Variants in EREG observed in about 807,000 individuals in gnomAD.
The protein encoded by EREG is epiregulin, also known as proepiregulin.
In EREG, 23 loss-of-function variants were observed where a neutral mutation model predicts 22.4. That is an observed-to-expected ratio of 1.03 (90% CI 0.74 to 1.46). EREG has a LOEUF of 1.46. Ranked by LOEUF, EREG falls within the 40% of genes most tolerant of loss-of-function variation. The pLI, the probability that EREG is intolerant of heterozygous loss-of-function variation, is 0.00. For missense variants in EREG, 226 were observed against 205.9 expected, an observed-to-expected ratio of 1.10 and a Z score of -0.60; for synonymous variants, 100 against 75.4, an observed-to-expected ratio of 1.33 and a Z score of -1.69.
intron 2 of EREG, among the ~76,000 whole-genome samples, chr4:74,380,666 A>T (rs1293998233): frequency 6.6e-6 from 1 of 152,214 alleles, no homozygotes; most frequent in African/African-American, 2.4e-5. Flanking sequence ...GGACTTGAGA[A>T]AAATTAGACA....
At chr4:74,382,213 T>C (rs909827239) in intron 3 of EREG, among the ~76,000 whole-genome samples, 1 of 151,800 alleles carries the variant, frequency 6.6e-6, no homozygotes, top group Non-Finnish European at 1.5e-5. Context: ...GATAGGAGAA[T>C]TGCTTGAACC....
intron 1 of EREG, among the ~76,000 whole-genome samples, chr4:74,377,586 T>C (rs1295059056): frequency 6.6e-6 from 1 of 152,234 alleles, no homozygotes; most frequent in East Asian, 1.9e-4. Context: ...GTTGTATTAG[T>C]TTGTTTTCAC....
intron 1 of EREG, among the ~76,000 whole-genome samples, chr4:74,373,653 A>ATGTATTTATG (rs1752330358): frequency 6.8e-6 from 1 of 146,434 alleles, no homozygotes; most frequent in Non-Finnish European, 1.5e-5. Flanking sequence ...TAAGTAATAT[A>ATGTATTTATG]TGTATATATG....
intron 1 of EREG, among the ~76,000 whole-genome samples, chr4:74,378,714 TATG>T (rs945205629): frequency 6.6e-6 from 1 of 152,114 alleles, no homozygotes; most frequent in African/African-American, 2.4e-5. Context: ...GGGTTCTTCT[TATG>T]ATGATTCCTA....
chr4:74,373,725 T>C (rs1752332172), intron 1 of EREG, among the ~76,000 whole-genome samples: 1 of 148,738 alleles, frequency 6.7e-6, no homozygotes, highest in Admixed American at 6.7e-5. Flanking sequence ...TATATATAAG[T>C]ATATACGTGT....
chr4:74,378,657 A>C (rs939321152), intron 1 of EREG, among the ~76,000 whole-genome samples: 3 of 152,138 alleles, frequency 2.0e-5, no homozygotes, highest in African/African-American at 7.2e-5. Flanking sequence ...CCTAAAGCTT[A>C]AACAGAAGCA....
chr4:74,376,467 G>T (rs1175141021), intron 1 of EREG, among the ~76,000 whole-genome samples: 1 of 152,334 alleles, frequency 6.6e-6, no homozygotes, highest in Non-Finnish European at 1.5e-5. Flanking sequence ...AGTAGTGAAA[G>T]TATGGTGAAA....
At chr4:74,375,298 T>C in intron 1 of EREG, among the ~76,000 whole-genome samples, 1 of 147,470 alleles carries the variant, frequency 6.8e-6, no homozygotes, top group African/African-American at 2.5e-5. Context: ...AAGTAATGAC[T>C]AGCGATTCTT....
chr4:74,379,406 C>T, intron 1 of EREG, 42 bp from the exon 2 acceptor site: 1 of 1,200,054 alleles, frequency 8.3e-7, no homozygotes, highest in Non-Finnish European at 1.2e-6. Flanking sequence ...GATTTCTTTC[C>T]TTAACACATT....
Position 74,388,565 on chromosome 4 carries a change from G to A in EREG, c.*3757G>A, listed in dbSNP as rs1460008. On this transcript the variant is annotated 3_prime_UTR_variant, in exon 5 of 5. Coordinates refer to ENST00000244869, the MANE Select transcript of EREG (RefSeq NM_001432.3). Reference sequence around the variant, plus strand: ...TGAAGTAACTTATTTGACTATGAATGTTATCGGATTACTGAATTGTATCAA... The same window carrying A: ...TGAAGTAACTTATTTGACTATGAATATTATCGGATTACTGAATTGTATCAA... The A allele has an allele frequency of 0.81, 123,269 of 152,504 alleles. 49,931 individuals carry two copies. Among genetic ancestry groups the A allele is most frequent in the Admixed American group, 0.85 (12,926 of 15,288 alleles). The allele number at this position is 152,504 out of a possible 1,614,324, so 9.4% of individuals were successfully genotyped here. A position where few individuals can be genotyped will look rare whatever the true frequency, so the allele number is the denominator to read the frequency against.
rs147344204 is a variant in EREG at position 74,376,044 on chromosome 4, G to A, written c.68-3404G>A. The stretch of plus-strand genomic sequence containing the variant: ...TCTTTGTGGAGGCACACCCTGGGCT[G>A]AACATTCTTTAATTAACAAAGACAA... On this transcript the variant is annotated intron_variant, in intron 1 of 4. Transcript: ENST00000244869. 4.9e-3 allele frequency among the ~76,000 whole-genome samples: 744 copies of A among 152,268 alleles called. 4 individuals are homozygous for A. The highest frequency in any genetic ancestry group is 7.7e-3 in the Non-Finnish European group (521 of 68,022).
At chr4:74,369,745 A>G (rs546782533) in intron 1 of EREG, among the ~76,000 whole-genome samples, 36 of 152,132 alleles carry the variant, frequency 2.4e-4, no homozygotes, top group South Asian at 4.1e-4. Context: ...TGTATAAAAT[A>G]CAGATTTCAT....
chr4:74,366,444 C>T (rs1358777932), intron 1 of EREG, among the ~76,000 whole-genome samples: 8 of 152,038 alleles, frequency 5.3e-5, no homozygotes, highest in Non-Finnish European at 2.9e-5. Flanking sequence ...AAGTCTAAGT[C>T]CAGGAACACA....
At chr4:74,369,119 CTT>C (rs1752248584) in intron 1 of EREG, among the ~76,000 whole-genome samples, 1 of 152,086 alleles carries the variant, frequency 6.6e-6, no homozygotes, top group South Asian at 2.1e-4. Context: ...TCATAAGACT[CTT>C]AATATATAGG....
At position 74,379,486 on chromosome 4, in the gene EREG, A is replaced by G. The variant is rs1405877595; in HGVS notation, c.106A>G (p.Ile36Val). The G allele has an allele frequency of 6.2e-7, 1 of 1,612,888 alleles. No homozygotes were observed. Among genetic ancestry groups the G allele is most frequent in the East Asian group, 2.2e-5 (1 of 44,840 alleles). The change falls in exon 2 of 5, where the codon ATT becomes GTT. Residue 36 changes from isoleucine to valine, a missense_variant. Transcript: ENST00000244869. ...ACAGGCAGTCCTCAGTACAACTGTG[A>G]TTCCATCATGTATCCCAGGAGAGTC... ...LLQAVLSTTV[I>V]PSCIPGESSD...
chr4:74,375,820 T>C (rs964261734), intron 1 of EREG, among the ~76,000 whole-genome samples: 9 of 152,204 alleles, frequency 5.9e-5, no homozygotes, highest in African/African-American at 2.2e-4. Flanking sequence ...TGACTTAGAA[T>C]TAATTTTGCT....
At chr4:74,365,399 C>T (rs754078463) in intron 1 of EREG, 24 bp downstream of exon 1, 2 of 1,609,878 alleles carry the variant, frequency 1.2e-6, no homozygotes, top group Non-Finnish European at 1.7e-6. Flanking sequence ...CTCTGGCTTC[C>T]GGCCGCCCCA....
At chr4:74,381,769 G>C (rs902965385) in intron 3 of EREG, 2 of 149,612 alleles carry the variant, frequency 1.3e-5, no homozygotes, top group Non-Finnish European at 3.0e-5. Context: ...GGGGTCAGGA[G>C]ATCAAGACCA....
At position 74,386,603 on chromosome 4, in the gene EREG, T is replaced by C. The variant is rs1752572631; in HGVS notation, c.*1795T>C. 1 of 152,208 alleles carries C rather than the reference T, an allele frequency of 6.6e-6. No individual in the cohort carries two copies. Among genetic ancestry groups the C allele is most frequent in the African/African-American group, 2.4e-5 (1 of 41,456 alleles). The allele number at this position is 152,208 out of a possible 1,614,324, so 9.4% of individuals were successfully genotyped here. A position where few individuals can be genotyped will look rare whatever the true frequency, so the allele number is the denominator to read the frequency against. ...AGAGAAAAGAAAAATCAATTAGATC[T>C]AAACAGTTATTTCTGTTTCCTATTT... On this transcript the variant is annotated 3_prime_UTR_variant, in exon 5 of 5. Transcript: ENST00000244869.
Sources: allele counts gnomAD v4.1 joint callset (sites outside exome capture counted in the v4.1 genomes callset), GRCh38; gene constraint gnomAD v4.1.1; transcripts MANE v1.5; gene names NCBI Gene and HGNC (gene_info 2026-07-23, HGNC 2026-07-21).